CD36: variants seen among roughly 807,000 people sequenced by gnomAD.
CD36 encodes CD36 molecule (CD36 blood group).
Under a neutral mutation model 55.2 loss-of-function variants are expected in CD36, and 119 were observed. The observed-to-expected ratio is 2.15, with a 90% CI of 1.86 to 2.51. The LOEUF (loss-of-function observed/expected upper bound fraction) is 2.51. Ranked by LOEUF, CD36 falls within the 30% of genes most tolerant of loss-of-function variation. The pLI, the probability that CD36 is intolerant of heterozygous loss-of-function variation, is 0.00. For synonymous variants in CD36, 186 were observed against 193.6 expected (o/e 0.96, Z 0.33); for missense variants, 819 against 555.5 (o/e 1.47, Z -4.77).
In CD36 at chr7:80,621,374, TTTC is replaced by T. The variant is rs1793461770; in HGVS notation, c.-184+18998_-184+19000del. On this transcript the variant is annotated intron_variant, in intron 1 of 13. Transcript: ENST00000309881. The stretch of plus-strand genomic sequence containing the variant: ...CTGGGCATGTTTACATTTATCTAAT[TTTC>T]TTAACATTTTCTAGTGTTATCTCAT... 4.6e-5 allele frequency among the ~76,000 whole-genome samples: 7 copies of T among 152,326 alleles called. No individual in the cohort carries two copies. The South Asian group carries it at 1.2e-3, about 27-fold the overall frequency.
upstream of CD36, among the ~76,000 whole-genome samples, chr7:80,637,186 TGTGA>T (rs1794478221): frequency 6.6e-6 from 1 of 151,988 alleles, no homozygotes; most frequent in African/African-American, 2.4e-5. Context: ...CATATTAGAG[TGTGA>T]GTGTGTGAGA....
chr7:80,666,528 C>CAA, intron 8 of CD36, 39 bp downstream of exon 8: 3 of 1,448,326 alleles, frequency 2.1e-6, no homozygotes, highest in Non-Finnish European at 2.9e-6. Flanking sequence ...AGTTAATCCA[C>CAA]CTCCCTTTCC....
intron 1 of CD36, among the ~76,000 whole-genome samples, chr7:80,616,728 T>A (rs1362111271): frequency 6.6e-6 from 1 of 152,168 alleles, no homozygotes; most frequent in Admixed American, 6.5e-5. Flanking sequence ...CAGCTTGGAA[T>A]CATCCTTAGG....
At chr7:80,671,334 T>G (rs1409206887) in intron 10 of CD36, among the ~76,000 whole-genome samples, 170 bp downstream of exon 10, 1 of 152,066 alleles carries the variant, frequency 6.6e-6, no homozygotes, top group East Asian at 1.9e-4. Flanking sequence ...AATTTAAAAT[T>G]AAAGTAAGAA....
At chr7:80,656,236 A>G (rs562617262) in intron 3 of CD36, among the ~76,000 whole-genome samples, 2 of 152,296 alleles carry the variant, frequency 1.3e-5, no homozygotes, top group South Asian at 2.1e-4. Context: ...GACTGTTGCA[A>G]TATTTTCAAA....
At chr7:80,604,350 ATTTTTTTTTTTTTTTTTTT>A (rs67213422) in intron 1 of CD36, among the ~76,000 whole-genome samples, 12,031 of 54,568 alleles carry the variant, frequency 0.22, 1,193 homozygotes, top group South Asian at 0.43. Flanking sequence ...AGCCACTGGA[ATTTTTTTTTTTTTTTTTTT>A]TTTTTTTTTT....
chr7:80,626,007 G>C (rs1293174461), intron 1 of CD36: 1 of 152,078 alleles, frequency 6.6e-6, no homozygotes, highest in Non-Finnish European at 1.5e-5. Flanking sequence ...AGAAATCACT[G>C]TTCTCCTGGG....
chr7:80,632,259 T>TAAAA (rs1382091994), intron 1 of CD36, among the ~76,000 whole-genome samples: 1 of 149,238 alleles, frequency 6.7e-6, no homozygotes, highest in Admixed American at 6.7e-5. Flanking sequence ...ACTTCTCCAT[T>TAAAA]TAAAAAAAAA....
chr7:80,636,532 C>A (rs979737533), upstream of CD36, among the ~76,000 whole-genome samples: 861 of 124,036 alleles, frequency 6.9e-3, no homozygotes, highest in Admixed American at 7.9e-3. Context: ...TGATCTCTTG[C>A]AAAAAAAAAA....
At chr7:80,637,291 A>C (rs1794486665), upstream of CD36, among the ~76,000 whole-genome samples, 1 of 152,040 alleles carries the variant, frequency 6.6e-6, no homozygotes, top group Non-Finnish European at 1.5e-5. Flanking sequence ...TTATACTACC[A>C]TTTTATATCG....
chr7:80,649,258 T>C (rs1285221946), intron 3 of CD36, among the ~76,000 whole-genome samples: 1 of 152,038 alleles, frequency 6.6e-6, no homozygotes, highest in Non-Finnish European at 1.5e-5. Context: ...GAAGTCATTC[T>C]CCAAATGTAA....
chr7:80,652,621 G>A (rs553649347), intron 3 of CD36, among the ~76,000 whole-genome samples: 7 of 152,166 alleles, frequency 4.6e-5, no homozygotes, highest in African/African-American at 1.2e-4. Flanking sequence ...TATGCTTCTG[G>A]TTTTTAAGAA....
At chr7:80,641,540 G>A (rs898433087) in intron 1 of CD36, among the ~76,000 whole-genome samples, 3 of 152,024 alleles carry the variant, frequency 2.0e-5, no homozygotes, top group African/African-American at 4.8e-5. Context: ...CTAAGAAAAA[G>A]TGGGAGGAAG....
At chr7:80,648,410 T>C (rs935145970) in intron 3 of CD36, among the ~76,000 whole-genome samples, 6 of 152,260 alleles carry the variant, frequency 3.9e-5, no homozygotes, top group Admixed American at 3.9e-4. Flanking sequence ...ACATAATTAT[T>C]GGTCAATAAC....
rs550865824 is a variant in CD36, at chr7:80,621,548, C to T, written c.-184+19169C>T. On this transcript the variant is annotated intron_variant, in intron 1 of 13. Coordinates refer to the CD36 transcript ENST00000309881. The stretch of plus-strand genomic sequence containing the variant: ...CATTTGATAGAATTTTTCAAGTTGT[C>T]TCACATGTGAGGGACAAAATAAATA... 5.9e-5 allele frequency among the ~76,000 whole-genome samples: 9 copies of T among 152,064 alleles called. No individual in the cohort carries two copies. The South Asian group carries it at 1.9e-3, about 32-fold the overall frequency.
chr7:80,676,077 A>G (rs1235396074), intron 14 of CD36: 1 of 152,158 alleles, frequency 6.6e-6, no homozygotes, highest in African/African-American at 2.4e-5. Context: ...AATAAAAAGT[A>G]TGATATCTAA....
At chr7:80,653,237 T>C (rs1373396058) in intron 3 of CD36, among the ~76,000 whole-genome samples, 5 of 152,206 alleles carry the variant, frequency 3.3e-5, no homozygotes, top group Non-Finnish European at 7.4e-5. Context: ...TGTCTCTTGG[T>C]AGAAATGTGT....
intron 3 of CD36, among the ~76,000 whole-genome samples, chr7:80,651,146 G>A (rs3211839): frequency 0.49 from 74,019 of 151,826 alleles, 18,626 homozygotes; most frequent in South Asian, 0.7. Flanking sequence ...CAGAAAACCA[G>A]ATACCACATG....
At chr7:80,667,143 G>A (rs553830937) in intron 8 of CD36, among the ~76,000 whole-genome samples, 11 of 152,136 alleles carry the variant, frequency 7.2e-5, no homozygotes, top group African/African-American at 2.7e-4. Context: ...AAAAGCAATG[G>A]GAGGCTGGTC....
Sources: gnomAD v4.1 joint callset for allele counts (sites outside exome capture counted in the v4.1 genomes callset) on GRCh38, gnomAD v4.1.1 for gene constraint, MANE v1.5 for transcripts, NCBI Gene and HGNC (gene_info 2026-07-23, HGNC 2026-07-21) for gene names.